Variants in SUMF1 observed in about 807,000 individuals in gnomAD.
The protein encoded by SUMF1 is formylglycine-generating enzyme.
In SUMF1, 48 loss-of-function variants were observed where a neutral mutation model predicts 47.6. The ratio of observed to expected loss-of-function variants is 1.01; its 90% CI spans 0.80 to 1.28. SUMF1 has a LOEUF of 1.28. Ranked by LOEUF, SUMF1 falls within the 50% of genes most tolerant of loss-of-function variation. The pLI is 0.00. For synonymous variants in SUMF1, 230 were observed against 192.1 expected, an observed-to-expected ratio of 1.20 and a Z score of -1.63; for missense variants, 571 against 485.4, an observed-to-expected ratio of 1.18 and a Z score of -1.66.
intron 8 of SUMF1, among the ~76,000 whole-genome samples, chr3:4,219,592 CTCT>C (rs1009296959): frequency 2.0e-5 from 3 of 152,138 alleles, no homozygotes; most frequent in African/African-American, 7.2e-5. Flanking sequence ...CCCAAAATCT[CTCT>C]TTCCTCACCC....
At chr3:4,360,223 T>G (rs1388489258), downstream of SUMF1, among the ~76,000 whole-genome samples, 2 of 149,782 alleles carry the variant, frequency 1.3e-5, no homozygotes, top group Non-Finnish European at 3.0e-5. Flanking sequence ...TTTTTTTTTT[T>G]GCCTGGGATT....
chr3:4,288,487 A>G (rs1056930802), intron 8 of SUMF1, among the ~76,000 whole-genome samples: 9 of 152,158 alleles, frequency 5.9e-5, no homozygotes, highest in African/African-American at 1.9e-4. Flanking sequence ...CTAACTCTAC[A>G]GTGGTATGAA....
intron 7 of SUMF1, among the ~76,000 whole-genome samples, chr3:4,406,564 G>A (rs1179422114): frequency 6.6e-6 from 1 of 152,154 alleles, no homozygotes; most frequent in African/African-American, 2.4e-5. Flanking sequence ...GGAGGCTGAG[G>A]CTGAAGAATT....
At chr3:4,456,717 C>CAT (rs1187353873) in intron 1 of SUMF1, among the ~76,000 whole-genome samples, 2 of 87,936 alleles carry the variant, frequency 2.3e-5, no homozygotes, top group African/African-American at 4.8e-5. Flanking sequence ...TATATATATA[C>CAT]ATATATATAC....
rs141100214 is a variant in SUMF1, at chr3:4,276,641, C to G, written c.1014+99689G>C. On this transcript the variant is annotated intron_variant and NMD_transcript_variant, in intron 8 of 12. Transcript: ENST00000448413. ...TTATTATTGCAAGATATAATTGATT[C>G]CAGGAATCAGTCATATTGTGCCATA... Among the ~76,000 whole-genome samples, 48 of 152,226 alleles carry G rather than the reference C, an allele frequency of 3.2e-4. No individual in the cohort carries two copies. The East Asian group carries it at 3.5e-3, about 11-fold the overall frequency.
chr3:4,256,046 A>G (rs1696946852), intron 8 of SUMF1, among the ~76,000 whole-genome samples: 2 of 150,744 alleles, frequency 1.3e-5, no homozygotes. Flanking sequence ...AGGCAGAAAT[A>G]AAGATGTTCT....
rs312098 is a variant in SUMF1, at chr3:4,258,449, A to G, written c.1014+117881T>C. ...CAAACAACCCCATCAAAAAGTGGGC[A>G]AAGGACATGAGCAGACACTTCTCAA... On this transcript the variant is annotated intron_variant and NMD_transcript_variant, in intron 8 of 12. Coordinates refer to the SUMF1 transcript ENST00000448413. Among the ~76,000 whole-genome samples the G allele has an allele frequency of 3.1e-3, 400 of 130,130 alleles. 2 individuals are homozygous for G. The highest frequency in any genetic ancestry group is 4.5e-3 in the African/African-American group (144 of 32,348). The allele number at this position is 130,130 out of a possible 152,430, so 85.4% of individuals were successfully genotyped here.
chr3:4,288,314 G>A (rs1157932680), intron 8 of SUMF1, among the ~76,000 whole-genome samples: 1 of 152,120 alleles, frequency 6.6e-6, no homozygotes, highest in Non-Finnish European at 1.5e-5. Flanking sequence ...AATGTCATCA[G>A]CTTTAGGCAA....
chr3:4,187,396 G>A (rs1251017787), intron 8 of SUMF1, among the ~76,000 whole-genome samples: 1 of 152,032 alleles, frequency 6.6e-6, no homozygotes, highest in Non-Finnish European at 1.5e-5. Context: ...TAGAGACAAG[G>A]TCTTGTGTAG....
At chr3:4,421,330 G>T (rs1276877264) in intron 3 of SUMF1, among the ~76,000 whole-genome samples, 4 of 152,058 alleles carry the variant, frequency 2.6e-5, no homozygotes, top group Non-Finnish European at 5.9e-5. Flanking sequence ...ACGCATACAG[G>T]ACTTATGACT....
At chr3:4,405,693 G>A (rs572765427) in intron 7 of SUMF1, among the ~76,000 whole-genome samples, 31 of 152,240 alleles carry the variant, frequency 2.0e-4, no homozygotes, top group African/African-American at 6.3e-4. Context: ...CAGCATATCC[G>A]AGGTCAATTC....
chr3:4,182,917 G>C (rs1695126514), intron 8 of SUMF1, among the ~76,000 whole-genome samples: 1 of 151,156 alleles, frequency 6.6e-6, no homozygotes. Flanking sequence ...TCAGGTCATG[G>C]GTATCCTTCC....
intron 8 of SUMF1, among the ~76,000 whole-genome samples, chr3:4,342,690 G>C (rs1575113072): frequency 1.3e-5 from 2 of 152,148 alleles, no homozygotes; most frequent in African/African-American, 2.4e-5. Context: ...TTCTACAACA[G>C]GTTTATGTCA....
intron 8 of SUMF1, among the ~76,000 whole-genome samples, chr3:4,300,625 T>C (rs187163302): frequency 2.6e-5 from 4 of 152,206 alleles, no homozygotes; most frequent in Admixed American, 2.6e-4. Flanking sequence ...GTGCAAAGAG[T>C]TTCTCCCTTC....
At chr3:4,223,201 C>T (rs184893760) in intron 8 of SUMF1, among the ~76,000 whole-genome samples, 34 of 152,250 alleles carry the variant, frequency 2.2e-4, no homozygotes, top group African/African-American at 7.9e-4. Context: ...TGTCTGGCTT[C>T]TTCTCAAATT....
intron 3 of SUMF1, among the ~76,000 whole-genome samples, chr3:4,424,502 G>A (rs111283995): frequency 4.5e-4 from 69 of 152,180 alleles, no homozygotes; most frequent in Non-Finnish European, 7.6e-4. Context: ...ACCAAAGGCC[G>A]CAACCTAGTG....
At chr3:4,456,884 G>C (rs56140780) in intron 1 of SUMF1, among the ~76,000 whole-genome samples, 1 of 94,214 alleles carries the variant, frequency 1.1e-5, no homozygotes, top group East Asian at 3.3e-4. Flanking sequence ...CTATATGTGT[G>C]TGTATATATA....
intron 8 of SUMF1, among the ~76,000 whole-genome samples, chr3:4,204,737 T>C (rs964301982): frequency 5.3e-5 from 8 of 152,092 alleles, no homozygotes; most frequent in Admixed American, 4.6e-4. Flanking sequence ...CATTAATTCT[T>C]TCTTCCGCTT....
intron 8 of SUMF1, among the ~76,000 whole-genome samples, chr3:4,128,835 T>C (rs1200841725): frequency 1.3e-5 from 2 of 152,084 alleles, no homozygotes; most frequent in Non-Finnish European, 2.9e-5. Flanking sequence ...ATGTATTAAT[T>C]TGGGCCCACT....
Sources: allele counts gnomAD v4.1 joint callset (sites outside exome capture counted in the v4.1 genomes callset), GRCh38; gene constraint gnomAD v4.1.1; transcripts MANE v1.5; gene names NCBI Gene and HGNC (gene_info 2026-07-23, HGNC 2026-07-21).